The following ERGIC1 variants were observed in gnomAD, a reference collection of about 807,000 sequenced individuals.
The protein encoded by ERGIC1 is endoplasmic reticulum-golgi intermediate compartment 1.
In ERGIC1, 19 loss-of-function variants were observed where a neutral mutation model predicts 38.3. That is an observed-to-expected ratio of 0.50 (90% CI 0.35 to 0.73). ERGIC1 has a LOEUF of 0.73. ERGIC1 is among the 30% of genes least tolerant of loss of function. ERGIC1 has a pLI of 0.01. For synonymous variants in ERGIC1, 124 were observed against 157.6 expected (o/e 0.79, Z 1.60); for missense variants, 294 against 389.2 (o/e 0.76, Z 2.06).
chr5:172,898,892 A>T (rs1210779917), intron 3 of ERGIC1, among the ~76,000 whole-genome samples: 1 of 152,142 alleles, frequency 6.6e-6, no homozygotes, highest in Non-Finnish European at 1.5e-5. Context: ...TGGACATCTT[A>T]GGATCACCCT....
chr5:172,893,019 C>T (rs983458707), intron 2 of ERGIC1, among the ~76,000 whole-genome samples: 2 of 152,192 alleles, frequency 1.3e-5, no homozygotes, highest in African/African-American at 4.8e-5. Flanking sequence ...TCCCATCCCC[C>T]CAGCTCTGGT....
At position 172,896,905 on chromosome 5, in the gene ERGIC1, C is replaced by T. The variant is rs1762737078; in HGVS notation, c.83-97C>T. 1.6e-5 allele frequency: 19 copies of T among 1,173,116 alleles called. No individual in the cohort carries two copies. In the South Asian group the frequency reaches 2.3e-4, roughly 14 times the overall value. The allele number at this position is 1,173,116 out of a possible 1,614,324, so 72.7% of individuals were successfully genotyped here. A position where few individuals can be genotyped will look rare whatever the true frequency, so the allele number is the denominator to read the frequency against. ...AGGGTCTGTGGGCACAGCCCCACAC[C>T]CTTGTCCTGGGGCCTCTTTCCTCTT... On this transcript the variant is annotated intron_variant, in intron 2 of 9. Coordinates refer to ENST00000393784, the MANE Select transcript of ERGIC1 (RefSeq NM_001031711.3).
chr5:172,893,905 ATG>A (rs1554110394), intron 2 of ERGIC1, among the ~76,000 whole-genome samples: 25 of 15,542 alleles, frequency 1.6e-3, no homozygotes, highest in African/African-American at 2.5e-3. Context: ...ATATATATAT[ATG>A]TGTGTGTGTG....
chr5:172,939,177 C>A (rs903817881), intron 9 of ERGIC1, among the ~76,000 whole-genome samples: 22 of 152,358 alleles, frequency 1.4e-4, no homozygotes, highest in South Asian at 2.1e-4. Flanking sequence ...TAGCAGGCAC[C>A]AGGGTCAGCT....
At chr5:172,930,038 A>G (rs1379550234) in intron 7 of ERGIC1, among the ~76,000 whole-genome samples, 1 of 152,036 alleles carries the variant, frequency 6.6e-6, no homozygotes, top group African/African-American at 2.4e-5. Context: ...AATACAAAAA[A>G]TTAGCCAGGC....
intron 1 of ERGIC1, among the ~76,000 whole-genome samples, chr5:172,849,488 C>T (rs1761351617): frequency 1.3e-5 from 2 of 152,176 alleles, no homozygotes. Flanking sequence ...CTAGTAATGA[C>T]CATCACAAAA....
rs548493348 is a variant in ERGIC1 at position 172,940,049 on chromosome 5, T to C, written c.765+4739T>C. On this transcript the variant is annotated intron_variant, in intron 9 of 9. Transcript: ENST00000393784. ...AATAGCTCCTTAGAGGGGCTGCAGATGAAGAGGGGCTTAGGTCGGGATGTC... is the reference window on the plus strand; with the variant it reads ...AATAGCTCCTTAGAGGGGCTGCAGACGAAGAGGGGCTTAGGTCGGGATGTC... Among the ~76,000 whole-genome samples the C allele has an allele frequency of 7.2e-5, 11 of 151,784 alleles. 1 individual carries two copies. The South Asian group carries it at 2.3e-3, about 32-fold the overall frequency.
At chr5:172,870,840 G>T (rs1306158697) in intron 1 of ERGIC1, among the ~76,000 whole-genome samples, 1 of 152,164 alleles carries the variant, frequency 6.6e-6, no homozygotes, top group Non-Finnish European at 1.5e-5. Context: ...GGCTCCCCGA[G>T]GGTACTTGCC....
At chr5:172,848,844 C>T (rs769471280) in intron 1 of ERGIC1, among the ~76,000 whole-genome samples, 7 of 152,186 alleles carry the variant, frequency 4.6e-5, no homozygotes, top group Non-Finnish European at 8.8e-5. Context: ...CTAGTTTTCT[C>T]CTAAGTGCAT....
Position 172,834,566 on chromosome 5 carries a change from G to T in ERGIC1, c.20+133G>T. 2.2e-6 allele frequency: 2 copies of T among 892,164 alleles called. No individual in the cohort carries two copies. Among genetic ancestry groups the T allele is most frequent in the South Asian group, 5.5e-5 (1 of 18,296 alleles). 55.3% of individuals were successfully genotyped at this position (892,164 alleles called of 1,614,324 possible). ...CTGTGCATGCCTCCGCAGGCCCCTA[G>T]GGACCCCAGGCGAGCCCCCCCCCTG... On this transcript the variant is annotated intron_variant, in intron 1 of 9. Transcript: ENST00000393784. The surrounding 1 kb of genome is among the most constrained non-coding windows in gnomAD (Gnocchi z 4.1).
intron 4 of ERGIC1, among the ~76,000 whole-genome samples, chr5:172,913,670 C>T (rs940780117): frequency 2.0e-5 from 3 of 152,144 alleles, no homozygotes; most frequent in African/African-American, 7.2e-5. Context: ...CCTACATTTC[C>T]ATAGTTCACA....
At chr5:172,915,646 C>G (rs1001452843) in intron 5 of ERGIC1, 1 of 471,004 alleles carries the variant, frequency 2.1e-6, no homozygotes, top group Middle Eastern at 3.2e-4. Flanking sequence ...GGTACTGTCA[C>G]AGTGGAGCCT....
At chr5:172,896,956 A>G (rs1386926103) in intron 2 of ERGIC1, 46 bp from the exon 3 acceptor site, 1 of 1,587,030 alleles carries the variant, frequency 6.3e-7, no homozygotes, top group African/African-American at 1.3e-5. Context: ...TCCCTTCGTC[A>G]GTGCCCACCA....
At chr5:172,875,293 A>G (rs1762117384) in intron 1 of ERGIC1, among the ~76,000 whole-genome samples, 1 of 152,174 alleles carries the variant, frequency 6.6e-6, no homozygotes, top group Non-Finnish European at 1.5e-5. Flanking sequence ...CAAGGATGCC[A>G]GAGTTTTTAT....
chr5:172,848,095 C>T (rs1761321968), intron 1 of ERGIC1, among the ~76,000 whole-genome samples: 1 of 152,242 alleles, frequency 6.6e-6, no homozygotes, highest in Non-Finnish European at 1.5e-5. Context: ...ATATTCTGAG[C>T]ATACTCAAAA....
intron 1 of ERGIC1, among the ~76,000 whole-genome samples, chr5:172,854,584 G>T (rs937545784): frequency 2.0e-5 from 3 of 152,240 alleles, no homozygotes; most frequent in Admixed American, 6.5e-5. Context: ...CAGCACGTCC[G>T]CATGGTCCCG....
At chr5:172,859,805 T>C (rs1761651636) in intron 1 of ERGIC1, among the ~76,000 whole-genome samples, 1 of 152,186 alleles carries the variant, frequency 6.6e-6, no homozygotes, top group Non-Finnish European at 1.5e-5. Context: ...GCATGGCCCA[T>C]AGGTGGTGGC....
chr5:172,912,620 C>T (rs1763234898), intron 4 of ERGIC1, among the ~76,000 whole-genome samples: 2 of 152,072 alleles, frequency 1.3e-5, no homozygotes, highest in East Asian at 3.9e-4. Flanking sequence ...AACTCCTGAC[C>T]TTGTGATCCA....
intron 4 of ERGIC1, among the ~76,000 whole-genome samples, chr5:172,912,144 A>G (rs183307819): frequency 1.8e-4 from 28 of 151,826 alleles, no homozygotes; most frequent in African/African-American, 6.8e-4. Flanking sequence ...GAGTAAAATA[A>G]TAACAGCTGC....
Sources: gnomAD v4.1 joint callset for allele counts (sites outside exome capture counted in the v4.1 genomes callset) on GRCh38, gnomAD v4.1.1 for gene constraint, Gnocchi (gnomAD v3.1) non-coding constraint, MANE v1.5 for transcripts, NCBI Gene and HGNC (gene_info 2026-07-23, HGNC 2026-07-21) for gene names.